HAPLN1: variants seen among roughly 807,000 people sequenced by gnomAD.
HAPLN1 encodes hyaluronan and proteoglycan link protein 1.
HAPLN1 carries 13 observed loss-of-function variants against 36.5 expected under a neutral mutation model. The ratio of observed to expected loss-of-function variants is 0.36; its 90% CI spans 0.23 to 0.57. HAPLN1 has a LOEUF of 0.57. Among genes scored for constraint, HAPLN1 ranks in the 20% least tolerant of loss-of-function variants. The pLI is 0.83. For missense variants in HAPLN1, 407 were observed against 439.7 expected, an observed-to-expected ratio of 0.93 and a Z score of 0.66; for synonymous variants, 202 against 169.8, an observed-to-expected ratio of 1.19 and a Z score of -1.48.
Position 83,658,662 on chromosome 5 carries a change from A to C in HAPLN1, c.101-5838T>G, listed in dbSNP as rs1750288999. ...ATTTTGTTTCCTTAAGACTGGAAGAAATCTAATTTCTCCTGAAACTGCTCA... is the reference window on the plus strand; with the variant it reads ...ATTTTGTTTCCTTAAGACTGGAAGACATCTAATTTCTCCTGAAACTGCTCA... On this transcript the variant is annotated intron_variant, in intron 2 of 4. Transcript: ENST00000274341. 1.3e-5 allele frequency among the ~76,000 whole-genome samples: 2 copies of C among 152,154 alleles called. 1 individual carries two copies. The highest frequency in any genetic ancestry group is 4.1e-4 in the South Asian group (2 of 4,834).
intron 3 of HAPLN1, among the ~76,000 whole-genome samples, chr5:83,645,475 C>CTTTCTTTTTTTTT (rs1428903218): frequency 4.0e-5 from 3 of 74,334 alleles, no homozygotes; most frequent in East Asian, 3.3e-4. Context: ...CTTTTTCTTT[C>CTTTCTTTTTTTTT]TTTTTTTTTT....
intron 1 of HAPLN1, among the ~76,000 whole-genome samples, chr5:83,716,275 T>C (rs1316235825): frequency 2.0e-5 from 3 of 152,216 alleles, no homozygotes; most frequent in Non-Finnish European, 4.4e-5. Flanking sequence ...GTAGAGTAAA[T>C]TGTGTTCTTT....
rs982880978 is a variant in HAPLN1 at position 83,638,176 on chromosome 5, A to T, written c.*3320T>A. On this transcript the variant is annotated 3_prime_UTR_variant, in exon 5 of 5. Transcript: ENST00000274341. The stretch of plus-strand genomic sequence containing the variant: ...AAAGAAAAATAGCTAAGATTCTACA[A>T]CTCAGAAGAATTAAAAGATACTGCA... 1 of 152,000 alleles carries T rather than the reference A, an allele frequency of 6.6e-6. No homozygotes were observed. The highest frequency in any genetic ancestry group is 2.4e-5 in the African/African-American group (1 of 41,430). The allele number at this position is 152,000 out of a possible 1,614,324, so 9.4% of individuals were successfully genotyped here.
intron 2 of HAPLN1, among the ~76,000 whole-genome samples, chr5:83,658,926 G>A (rs1750301850): frequency 6.6e-6 from 1 of 152,140 alleles, no homozygotes; most frequent in African/African-American, 2.4e-5. Context: ...GGTAAGAAAG[G>A]TAGTAGAAAA....
At chr5:83,681,459 A>C (rs1750996879) in intron 1 of HAPLN1, among the ~76,000 whole-genome samples, 1 of 152,160 alleles carries the variant, frequency 6.6e-6, no homozygotes, top group African/African-American at 2.4e-5. Flanking sequence ...CAAACAAATA[A>C]AACAACTCTC....
chr5:83,681,175 T>C (rs1750989709), intron 1 of HAPLN1, among the ~76,000 whole-genome samples: 1 of 152,192 alleles, frequency 6.6e-6, no homozygotes, highest in Admixed American at 6.5e-5. Context: ...TGACTCATTA[T>C]TATGATCAGT....
intron 1 of HAPLN1, among the ~76,000 whole-genome samples, chr5:83,710,625 G>T (rs149468379): frequency 0.015 from 2,241 of 152,210 alleles, 18 homozygotes; most frequent in Non-Finnish European, 0.022. Flanking sequence ...ATGTTTTTAA[G>T]ATAAAGAAGA....
chr5:83,686,242 G>T (rs922348043), intron 1 of HAPLN1, among the ~76,000 whole-genome samples: 5 of 150,598 alleles, frequency 3.3e-5, no homozygotes, highest in African/African-American at 1.2e-4. Flanking sequence ...TAAGAATTGT[G>T]CCCGTTGATC....
rs73133862 is a variant in HAPLN1 at position 83,684,536 on chromosome 5, A to C, written c.-26-10987T>G. Reference sequence around the variant, plus strand: ...GCAGGATATAGAAACGGTTTCAGAAAGGTGATCGTTCAGCTGGGCTGAAAG... The same window carrying C: ...GCAGGATATAGAAACGGTTTCAGAACGGTGATCGTTCAGCTGGGCTGAAAG... On this transcript the variant is annotated intron_variant, in intron 1 of 4. Coordinates refer to ENST00000274341, the MANE Select transcript of HAPLN1 (RefSeq NM_001884.4). 5.5e-3 allele frequency among the ~76,000 whole-genome samples: 830 copies of C among 152,244 alleles called. 8 individuals carry two copies. Among genetic ancestry groups the C allele is most frequent in the African/African-American group, 0.019 (789 of 41,530 alleles).
chr5:83,682,333 TA>T (rs1204606222), intron 1 of HAPLN1: 1 of 152,202 alleles, frequency 6.6e-6, no homozygotes, highest in Non-Finnish European at 1.5e-5. Flanking sequence ...ACACATATTT[TA>T]AAAAGTCACC....
chr5:83,648,727 G>A (rs1749959492), intron 3 of HAPLN1, among the ~76,000 whole-genome samples: 1 of 152,010 alleles, frequency 6.6e-6, no homozygotes. Flanking sequence ...AAGACTGACA[G>A]GGAGTTTGAG....
intron 1 of HAPLN1, among the ~76,000 whole-genome samples, chr5:83,680,714 A>G (rs1226172124): frequency 6.6e-6 from 1 of 152,176 alleles, no homozygotes; most frequent in Non-Finnish European, 1.5e-5. Context: ...CTAAAATCAT[A>G]ATTTTACCCT....
intron 1 of HAPLN1, among the ~76,000 whole-genome samples, chr5:83,693,171 T>C (rs2112621998): frequency 6.6e-6 from 1 of 152,022 alleles, no homozygotes; most frequent in East Asian, 1.9e-4. Context: ...TATACTCACC[T>C]CTTTTCTGAC....
In HAPLN1 at chr5:83,641,369, G is replaced by C. The variant is rs1749687226; in HGVS notation, c.*127C>G. ...TCAATGAATTGATCTTTATGAAAAT[G>C]ACTCTTTACAGTAAGTAAAAAAGGG... On this transcript the variant is annotated 3_prime_UTR_variant, in exon 5 of 5. Transcript: ENST00000274341. 2 of 687,300 alleles carry C rather than the reference G, an allele frequency of 2.9e-6. No individual in the cohort carries two copies. The highest frequency in any genetic ancestry group is 5.7e-5 in the Admixed American group (2 of 35,382). The allele number at this position is 687,300 out of a possible 1,614,324, so 42.6% of individuals were successfully genotyped here.
intron 1 of HAPLN1, among the ~76,000 whole-genome samples, chr5:83,696,690 C>T (rs1225882148): frequency 6.6e-6 from 1 of 152,014 alleles, no homozygotes; most frequent in Non-Finnish European, 1.5e-5. Context: ...ATACTCTTGC[C>T]TGTGTATAAT....
chr5:83,665,516 G>A (rs764227187), intron 2 of HAPLN1, among the ~76,000 whole-genome samples: 11 of 152,136 alleles, frequency 7.2e-5, no homozygotes, highest in Non-Finnish European at 1.3e-4. Flanking sequence ...CCCTTCAAGG[G>A]TATGTTTTCA....
chr5:83,681,055 C>T (rs932895529), intron 1 of HAPLN1, among the ~76,000 whole-genome samples: 6 of 152,106 alleles, frequency 3.9e-5, no homozygotes, highest in Admixed American at 3.3e-4. Context: ...TATAAATTCA[C>T]TCATTCTTGA....
chr5:83,659,615 G>A (rs1452220024), intron 2 of HAPLN1, among the ~76,000 whole-genome samples: 2 of 151,822 alleles, frequency 1.3e-5, no homozygotes, highest in Non-Finnish European at 1.5e-5. Context: ...AGAAGTTGAG[G>A]GAATTTAACA....
At chr5:83,642,984 A>AT (rs1464635083) in intron 4 of HAPLN1, among the ~76,000 whole-genome samples, 1 of 152,148 alleles carries the variant, frequency 6.6e-6, no homozygotes, top group Non-Finnish European at 1.5e-5. Context: ...AGCAGACACC[A>AT]TATGGCCAGC....
Sources: allele counts gnomAD v4.1 joint callset (sites outside exome capture counted in the v4.1 genomes callset), GRCh38; gene constraint gnomAD v4.1.1; transcripts MANE v1.5; gene names NCBI Gene and HGNC (gene_info 2026-07-23, HGNC 2026-07-21).